GRID2: variants seen among roughly 807,000 people sequenced by gnomAD.
GRID2 encodes the protein glutamate ionotropic receptor delta type subunit 2.
Under a neutral mutation model 114.8 loss-of-function variants are expected in GRID2, and 33 were observed. That is an observed-to-expected ratio of 0.29 (90% CI 0.22 to 0.38). GRID2 has a LOEUF of 0.38. Among genes scored for constraint, GRID2 ranks in the 10% least tolerant of loss-of-function variants. GRID2 has a pLI of 1.00. For synonymous variants in GRID2, 505 were observed against 449.9 expected (o/e 1.12, Z -1.55); for missense variants, 1,184 against 1,257.7 (o/e 0.94, Z 0.89).
At chr4:93,666,163 G>T (rs1723927382) in intron 14 of GRID2, among the ~76,000 whole-genome samples, 1 of 151,996 alleles carries the variant, frequency 6.6e-6, no homozygotes, top group South Asian at 2.1e-4. Context: ...GTTTTTATCT[G>T]CTATGTCTTC....
At chr4:92,976,616 G>A (rs1578655829) in intron 2 of GRID2, among the ~76,000 whole-genome samples, 1 of 152,152 alleles carries the variant, frequency 6.6e-6, no homozygotes, top group South Asian at 2.1e-4. Context: ...TTGTCAGTCA[G>A]AGACTACAAG....
At chr4:93,587,817 A>C (rs575268290) in intron 13 of GRID2, among the ~76,000 whole-genome samples, 2 of 152,114 alleles carry the variant, frequency 1.3e-5, no homozygotes, top group South Asian at 4.1e-4. Context: ...TCAATCACTC[A>C]AAGAAAAGCT....
At chr4:92,895,029 G>A (rs1747059089) in intron 2 of GRID2, among the ~76,000 whole-genome samples, 1 of 151,874 alleles carries the variant, frequency 6.6e-6, no homozygotes, top group African/African-American at 2.4e-5. Flanking sequence ...TGTTAAACCT[G>A]TCTCCCATAT....
chr4:92,719,646 A>G (rs1194672030), intron 2 of GRID2, among the ~76,000 whole-genome samples: 1 of 152,174 alleles, frequency 6.6e-6, no homozygotes, highest in African/African-American at 2.4e-5. Flanking sequence ...CATGAGCCAG[A>G]GGAGTAATGC....
intron 8 of GRID2, among the ~76,000 whole-genome samples, chr4:93,270,622 TTTTTG>T (rs1429032764): frequency 2.6e-5 from 4 of 151,936 alleles, no homozygotes; most frequent in Admixed American, 2.0e-4. Context: ...CTTGTTTTTG[TTTTTG>T]TTTTGTTTTG....
intron 2 of GRID2, among the ~76,000 whole-genome samples, chr4:92,842,730 A>G (rs1301907059): frequency 6.6e-6 from 1 of 152,070 alleles, no homozygotes; most frequent in Non-Finnish European, 1.5e-5. Context: ...AAGATGAAAA[A>G]CAAAAAAAGT....
At chr4:92,448,332 G>A (rs1733578904) in intron 1 of GRID2, among the ~76,000 whole-genome samples, 1 of 151,946 alleles carries the variant, frequency 6.6e-6, no homozygotes, top group Non-Finnish European at 1.5e-5. Flanking sequence ...ATGCCACCAT[G>A]CCCATCTAAC....
At chr4:93,491,323 A>G (rs1355620479) in intron 12 of GRID2, among the ~76,000 whole-genome samples, 2 of 151,798 alleles carry the variant, frequency 1.3e-5, no homozygotes, top group Non-Finnish European at 2.9e-5. Context: ...TGTGGTCCTT[A>G]TTGCTGCTAT....
chr4:92,957,030 C>G (rs1752455833), intron 2 of GRID2, among the ~76,000 whole-genome samples: 2 of 151,996 alleles, frequency 1.3e-5, no homozygotes, highest in Non-Finnish European at 2.9e-5. Flanking sequence ...TTTAAGCATT[C>G]CTTGTAAATT....
chr4:92,716,321 C>A (rs577990190), intron 2 of GRID2, among the ~76,000 whole-genome samples: 15 of 152,268 alleles, frequency 9.9e-5, no homozygotes, highest in Admixed American at 6.5e-4. Flanking sequence ...AAGAACAAAA[C>A]AGAGGAAGTT....
chr4:93,616,143 C>A (rs1294587996), intron 13 of GRID2, among the ~76,000 whole-genome samples: 1 of 152,016 alleles, frequency 6.6e-6, no homozygotes, highest in Non-Finnish European at 1.5e-5. Context: ...GAAAAGTGAT[C>A]AAAAATTTTA....
intron 2 of GRID2, among the ~76,000 whole-genome samples, chr4:92,907,072 A>G (rs1748015791): frequency 6.6e-6 from 1 of 152,204 alleles, no homozygotes; most frequent in Non-Finnish European, 1.5e-5. Context: ...AAGGTATTTT[A>G]TTAATGGAAT....
At chr4:93,734,408 A>G (rs369928908) in intron 14 of GRID2, among the ~76,000 whole-genome samples, 4 of 152,134 alleles carry the variant, frequency 2.6e-5, no homozygotes, top group Admixed American at 2.0e-4. Context: ...AAACAAGTTG[A>G]ACTGTTGACT....
At chr4:92,318,315 T>A (rs1158692428) in intron 1 of GRID2, among the ~76,000 whole-genome samples, 20 of 144,106 alleles carry the variant, frequency 1.4e-4, no homozygotes, top group African/African-American at 3.0e-4. Context: ...TATATTTTTT[T>A]TTTTTTTTTT....
At chr4:93,535,262 AC>A (rs1560725005) in intron 13 of GRID2, among the ~76,000 whole-genome samples, 2 of 151,188 alleles carry the variant, frequency 1.3e-5, no homozygotes, top group East Asian at 3.9e-4. Context: ...ACACACACAC[AC>A]ACACACACCA....
chr4:93,104,599 T>A (rs910390936), intron 3 of GRID2, among the ~76,000 whole-genome samples: 11 of 152,180 alleles, frequency 7.2e-5, no homozygotes. Context: ...AGAATGATGA[T>A]TTCCAATTTC....
intron 2 of GRID2, among the ~76,000 whole-genome samples, chr4:92,856,110 T>G (rs555562933): frequency 1.3e-5 from 2 of 152,220 alleles, no homozygotes; most frequent in Non-Finnish European, 2.9e-5. Context: ...GTATCTCTAC[T>G]CCTGTGTTAC....
intron 3 of GRID2, among the ~76,000 whole-genome samples, chr4:93,100,967 C>A (rs899679418): frequency 1.3e-5 from 2 of 151,882 alleles, no homozygotes; most frequent in Non-Finnish European, 2.9e-5. Flanking sequence ...TTGCAGGATA[C>A]CTCTATCTGT....
rs549949194 is a variant in GRID2, at chr4:93,555,560, T to C, written c.2193+40149T>C. Among the ~76,000 whole-genome samples, 8 of 152,320 alleles carry C rather than the reference T, an allele frequency of 5.3e-5. No homozygotes were observed. The East Asian group carries it at 1.4e-3, about 26-fold the overall frequency. On this transcript the variant is annotated intron_variant, in intron 13 of 15. Coordinates refer to ENST00000282020, the MANE Select transcript of GRID2 (RefSeq NM_001510.4). ...GCTATAGCCAGACTGCCTCTCCAGA[T>C]TCCTCCTCTTGGGCAGGGCATCTGA...
Sources: allele counts gnomAD v4.1 joint callset (sites outside exome capture counted in the v4.1 genomes callset), GRCh38; gene constraint gnomAD v4.1.1; transcripts MANE v1.5; gene names NCBI Gene and HGNC (gene_info 2026-07-23, HGNC 2026-07-21).